MGAT5B: variants seen among roughly 807,000 people sequenced by gnomAD.
MGAT5B encodes alpha-1,6-mannosylglycoprotein 6-beta-N-acetylglucosaminyltransferase B.
Under a neutral mutation model 95.1 loss-of-function variants are expected in MGAT5B, and 54 were observed. The observed-to-expected ratio is 0.57, with a 90% CI of 0.46 to 0.71. The LOEUF (loss-of-function observed/expected upper bound fraction) is 0.71, where lower values mean the gene tolerates loss of function less well. Among genes scored for constraint, MGAT5B ranks in the 30% least tolerant of loss-of-function variants. MGAT5B has a pLI of 0.00. For synonymous variants in MGAT5B, 464 were observed against 451.0 expected (o/e 1.03, Z -0.36); for missense variants, 935 against 1,088.6 (o/e 0.86, Z 1.99).
chr17:76,946,396 C>A lies in MGAT5B; in HGVS notation c.1869C>A (p.Tyr623Ter). Residue 623 changes from tyrosine (Y) to a stop codon, truncating the protein, a stop_gained, in exon 16 of 18, where the codon TAC (tyrosine) becomes TAA (stop). Transcript: ENST00000569840. LOFTEE classifies it high-confidence loss of function. ...MRTQVDPYLP[Y>*]EYTCEGMLER... is the part of the protein sequence containing the mutation. The stretch of plus-strand genomic sequence containing the variant: ...CACAGGTAGACCCCTACCTACCCTA[C>A]GAGTACACCTGCGAGGGGATGCTGG... 6.2e-7 allele frequency: 1 copy of A among 1,606,054 alleles called. No homozygotes were observed. Among genetic ancestry groups the A allele is most frequent in the Non-Finnish European group, 8.5e-7 (1 of 1,175,884 alleles).
Position 76,869,178 on chromosome 17 carries a change from A to C in MGAT5B, c.68+81A>C. 7.9e-7 allele frequency: 1 copy of C among 1,263,942 alleles called. No individual in the cohort carries two copies. Among genetic ancestry groups the C allele is most frequent in the Non-Finnish European group, 1.2e-6 (1 of 865,048 alleles). 78.3% of individuals were successfully genotyped at this position (1,263,942 alleles called of 1,614,324 possible). ...CGAGGTCGGTTCCTGCGAACGTTCA[A>C]GTCCTGGTGGCAGAGGGGGCGGTTC... is the stretch of plus-strand genomic sequence containing the variant. On this transcript the variant is annotated intron_variant, in intron 1 of 17. Transcript: ENST00000569840. The surrounding 1 kb of genome is among the most constrained non-coding windows in gnomAD (Gnocchi z 7.0).
chr17:76,949,809 A>G lies in MGAT5B; in HGVS notation c.*971A>G, dbSNP rs11656656. 0.32 allele frequency: 48,460 copies of G among 151,896 alleles called. 9,049 individuals are homozygous for G. The highest frequency in any genetic ancestry group is 0.56 in the East Asian group (2,884 of 5,126). 9.4% of individuals were successfully genotyped at this position (151,896 alleles called of 1,614,324 possible). On this transcript the variant is annotated 3_prime_UTR_variant, in exon 18 of 18. Coordinates refer to ENST00000569840, the MANE Select transcript of MGAT5B (RefSeq NM_001199172.2). ...TCCCGCACTCCCTGGCATTTTTTGC[A>G]GACAAGGGCTTGGGATGGACCCTCA... is the stretch of plus-strand genomic sequence containing the variant.
At position 76,900,304 on chromosome 17, in the gene MGAT5B, C is replaced by G. The variant is rs147019767; in HGVS notation, c.330-2251C>G. Reference sequence around the variant, plus strand: ...TCTCTTCTCTTTCTTTGTAATCTCACAGAAGGCTGTCGTGCATTCAACTTT... The same window carrying G: ...TCTCTTCTCTTTCTTTGTAATCTCAGAGAAGGCTGTCGTGCATTCAACTTT... On this transcript the variant is annotated intron_variant, in intron 3 of 17. Coordinates refer to ENST00000569840, the MANE Select transcript of MGAT5B (RefSeq NM_001199172.2). Among the ~76,000 whole-genome samples the G allele has an allele frequency of 6.1e-3, 931 of 152,324 alleles. 17 individuals are homozygous for G. The highest frequency in any genetic ancestry group is 0.021 in the African/African-American group (871 of 41,570).
At chr17:76,897,721 CTTTCTTTTTCTTTT>C (rs1968138702) in intron 3 of MGAT5B, among the ~76,000 whole-genome samples, 3 of 78,094 alleles carry the variant, frequency 3.8e-5, no homozygotes, top group African/African-American at 2.6e-4. Flanking sequence ...TTCTTTCTTT[CTTTCTTTTTCTTTT>C]TTTTTTTTTT....
Position 76,912,789 on chromosome 17 carries a change from T to TCCC in MGAT5B, c.1025+6604_1025+6606dup, listed in dbSNP as rs1316645793. ...ACTGCAGCAAGGTGATGTCAGCCAG[T>TCCC]CCCCGCCCGCGCCCCGCCGTGTGCG... On this transcript the variant is annotated intron_variant, in intron 8 of 17. Transcript: ENST00000569840. The surrounding 1 kb of genome is among the most constrained non-coding windows in gnomAD (Gnocchi z 5.0). Among the ~76,000 whole-genome samples the TCCC allele has an allele frequency of 6.6e-6, 1 of 151,870 alleles. No individual in the cohort carries two copies. The highest frequency in any genetic ancestry group is 1.5e-5 in the Non-Finnish European group (1 of 67,958).
intron 8 of MGAT5B, among the ~76,000 whole-genome samples, chr17:76,922,945 G>A (rs1212217791): frequency 3.3e-5 from 5 of 152,148 alleles, no homozygotes; most frequent in African/African-American, 9.7e-5. Flanking sequence ...GGAGGTGGGG[G>A]GCAAGGCCCA....
At position 76,912,733 on chromosome 17, in the gene MGAT5B, G is replaced by A. The variant is rs887976550; in HGVS notation, c.1025+6546G>A. The stretch of plus-strand genomic sequence containing the variant: ...AAGATGCTTCCGGGGTGAGGGAGGT[G>A]GCACGAGGGAGCCGTGCGCTCTGTG... On this transcript the variant is annotated intron_variant, in intron 8 of 17. Coordinates refer to ENST00000569840, the MANE Select transcript of MGAT5B (RefSeq NM_001199172.2). This position sits in a 1 kb window ranked among gnomAD's most constrained non-coding sequence, Gnocchi z 5.0. Among the ~76,000 whole-genome samples, 3 of 152,140 alleles carry A rather than the reference G, an allele frequency of 2.0e-5. No individual in the cohort carries two copies. The highest frequency in any genetic ancestry group is 4.4e-5 in the Non-Finnish European group (3 of 68,028).
At position 76,947,916 on chromosome 17, in the gene MGAT5B, C is replaced by G. The variant is rs372447392; in HGVS notation, c.2010C>G (p.Leu670=). The change falls in exon 17 of 18, where the codon CTC becomes CTG. Residue 670 remains leucine (L), a synonymous_variant. Transcript: ENST00000569840. Reference sequence around the variant, plus strand: ...TCCTGGCCCCCAATGCCACCCACCTCGAGTGGGCTCGGAACACCAGCTTGG... The same window carrying G: ...TCCTGGCCCCCAATGCCACCCACCTGGAGTGGGCTCGGAACACCAGCTTGG... The part of the protein sequence containing the change: ...PFVLAPNATH[L]EWARNTSLAP... 8 of 1,613,238 alleles carry G rather than the reference C, an allele frequency of 5.0e-6. No homozygotes were observed. The highest frequency in any genetic ancestry group is 5.1e-6 in the Non-Finnish European group (6 of 1,179,490).
chr17:76,911,047 G>T (rs1567808981), intron 8 of MGAT5B, among the ~76,000 whole-genome samples: 2 of 152,214 alleles, frequency 1.3e-5, no homozygotes, highest in African/African-American at 4.8e-5. Flanking sequence ...TACATTCAGG[G>T]TGGGGGTTCT....
chr17:76,877,486 C>A (rs9909289), intron 2 of MGAT5B, among the ~76,000 whole-genome samples: 28,560 of 151,968 alleles, frequency 0.19, 3,260 homozygotes, highest in East Asian at 0.45. Flanking sequence ...CTACCTGGCT[C>A]TGTGGATGGC....
In MGAT5B at chr17:76,869,401, C is replaced by G. The variant is rs1966910430; in HGVS notation, c.68+304C>G. 6.6e-6 allele frequency among the ~76,000 whole-genome samples: 1 copy of G among 152,068 alleles called. No homozygotes were observed. Among genetic ancestry groups the G allele is most frequent in the African/African-American group, 2.4e-5 (1 of 41,384 alleles). On this transcript the variant is annotated intron_variant, in intron 1 of 17. Coordinates refer to ENST00000569840, the MANE Select transcript of MGAT5B (RefSeq NM_001199172.2). This position sits in a 1 kb window ranked among gnomAD's most constrained non-coding sequence, Gnocchi z 7.0. ...CGTGGTCCTGGGCCCAGAAAGTTGC[C>G]CCAGCCTGCGCGCCCCTTCCCAGCC...
chr17:76,940,761 C>T lies in MGAT5B; in HGVS notation c.1761C>T (p.Asn587=). ...EVFSQHPYAE[N]FIGKPHVWTV... is the part of the protein sequence containing the mutation. ...TCTCCCAGCATCCCTACGCGGAGAA[C>T]TTCATCGGCAAGCCCCACGTGTGGA... The change falls in exon 15 of 18, where the codon AAC becomes AAT. Residue 587 remains asparagine (N), a synonymous_variant. Coordinates refer to ENST00000569840, the MANE Select transcript of MGAT5B (RefSeq NM_001199172.2). The surrounding 1 kb of genome is among the most constrained non-coding windows in gnomAD (Gnocchi z 4.3). 1 of 1,614,150 alleles carries T rather than the reference C, an allele frequency of 6.2e-7. No homozygotes were observed. The highest frequency in any genetic ancestry group is 1.1e-5 in the South Asian group (1 of 91,082).
intron 3 of MGAT5B, among the ~76,000 whole-genome samples, chr17:76,892,453 G>C (rs1967908806): frequency 6.6e-6 from 1 of 152,374 alleles, no homozygotes; most frequent in South Asian, 2.1e-4. Context: ...GGCAGAGCCT[G>C]TGTGGAGAGG....
At chr17:76,876,183 T>G (rs1967180207) in intron 2 of MGAT5B, among the ~76,000 whole-genome samples, 1 of 152,086 alleles carries the variant, frequency 6.6e-6, no homozygotes, top group South Asian at 2.1e-4. Context: ...CCCCTCAAAC[T>G]ACATCCCCAC....
At chr17:76,894,770 T>C (rs548932511) in intron 3 of MGAT5B, among the ~76,000 whole-genome samples, 30 of 151,656 alleles carry the variant, frequency 2.0e-4, no homozygotes, top group South Asian at 1.2e-3. Context: ...AAAGAATTCA[T>C]TGAACCCAGG....
rs776224034 is a variant in MGAT5B at position 76,938,063 on chromosome 17, C to A, written c.1504C>A (p.Pro502Thr). 1 of 1,614,200 alleles carries A rather than the reference C, an allele frequency of 6.2e-7. No individual in the cohort carries two copies. The highest frequency in any genetic ancestry group is 8.5e-7 in the Non-Finnish European group (1 of 1,180,022). Residue 502 changes from proline to threonine, a missense_variant, in exon 13 of 18, where the codon CCC (proline) becomes ACC (threonine). Pro to Thr is a conservative substitution (Grantham distance 38). Coordinates refer to ENST00000569840, the MANE Select transcript of MGAT5B (RefSeq NM_001199172.2). The surrounding 1 kb of genome is among the most constrained non-coding windows in gnomAD (Gnocchi z 4.3). The part of the protein sequence containing the change: ...HGTVYYESQR[P>T]PEVPAFVKNH... ...CACCGTGTACTACGAGAGCCAGCGG[C>A]CCCCCGAGGTGCCAGCCTTTGTGAA...
intron 10 of MGAT5B, among the ~76,000 whole-genome samples, chr17:76,931,569 C>G (rs921389693): frequency 1.3e-5 from 2 of 152,184 alleles, no homozygotes; most frequent in Non-Finnish European, 2.9e-5. Context: ...CAGCAGGGCT[C>G]TGGGTGGGCT....
chr17:76,949,122 C>A lies in MGAT5B; in HGVS notation c.*284C>A. ...TCGGACTGCTCAGAGTCCGCATGGC[C>A]CAGGAGCAGGTGGTCGGAGGCCCCT... On this transcript the variant is annotated 3_prime_UTR_variant, in exon 18 of 18. Transcript: ENST00000569840. The A allele has an allele frequency of 2.2e-6, 1 of 453,528 alleles. No individual in the cohort carries two copies. The highest frequency in any genetic ancestry group is 3.4e-5 in the South Asian group (1 of 29,776). The allele number at this position is 453,528 out of a possible 1,614,324, so 28.1% of individuals were successfully genotyped here. A position where few individuals can be genotyped will look rare whatever the true frequency, so the allele number is the denominator to read the frequency against.
intron 11 of MGAT5B, among the ~76,000 whole-genome samples, chr17:76,933,063 T>C (rs747894490): frequency 2.0e-5 from 3 of 152,172 alleles, no homozygotes; most frequent in Non-Finnish European, 4.4e-5. Flanking sequence ...CAATAGACAA[T>C]GTAAGCCCAG....
Sources: gnomAD v4.1 joint callset for allele counts (sites outside exome capture counted in the v4.1 genomes callset) on GRCh38, gnomAD v4.1.1 for gene constraint, Gnocchi (gnomAD v3.1) non-coding constraint, MANE v1.5 for transcripts, NCBI Gene and HGNC (gene_info 2026-07-23, HGNC 2026-07-21) for gene names.